The following PRMT8 variants were observed in gnomAD, a reference collection of about 807,000 sequenced individuals.
The protein encoded by PRMT8 is protein arginine methyltransferase 8, also known as protein arginine N-methyltransferase 8.
In PRMT8, 7 loss-of-function variants were observed where a neutral mutation model predicts 47.1. The observed-to-expected ratio is 0.15, with a 90% CI of 0.08 to 0.28. The LOEUF (loss-of-function observed/expected upper bound fraction) is 0.28. PRMT8 is among the 10% of genes least tolerant of loss of function. PRMT8 has a pLI of 1.00. For missense variants in PRMT8, 237 were observed against 505.4 expected (o/e 0.47, Z 5.09); for synonymous variants, 188 against 186.5 (o/e 1.01, Z -0.07).
At chr12:3,463,938 G>A (rs1482833984) in intron 1 of PRMT8, among the ~76,000 whole-genome samples, 1 of 152,184 alleles carries the variant, frequency 6.6e-6, no homozygotes, top group Non-Finnish European at 1.5e-5. Flanking sequence ...GATTCTCATA[G>A]CAAAGTTAAA....
At chr12:3,437,409 T>A (rs1282922233) in intron 1 of PRMT8, among the ~76,000 whole-genome samples, 1 of 151,932 alleles carries the variant, frequency 6.6e-6, no homozygotes, top group East Asian at 1.9e-4. Flanking sequence ...TGTGCAGGTT[T>A]GTTATATAGG....
At chr12:3,452,358 G>T (rs1864928593) in intron 1 of PRMT8, among the ~76,000 whole-genome samples, 1 of 151,582 alleles carries the variant, frequency 6.6e-6, no homozygotes, top group Admixed American at 6.6e-5. Context: ...CACCCCACAA[G>T]GAGACCACTT....
chr12:3,386,950 C>T (rs971430746), intron 1 of PRMT8, among the ~76,000 whole-genome samples: 8 of 152,042 alleles, frequency 5.3e-5, no homozygotes, highest in South Asian at 2.1e-4. Context: ...CCTCATGATC[C>T]GCCCACCTTG....
At chr12:3,526,333 A>G (rs1017853238) in intron 1 of PRMT8, among the ~76,000 whole-genome samples, 4 of 152,162 alleles carry the variant, frequency 2.6e-5, no homozygotes, top group African/African-American at 9.7e-5. Context: ...TGGGTGTACA[A>G]ATATCTCTTT....
chr12:3,553,098 A>C (rs2137180665), intron 3 of PRMT8: 1 of 195,582 alleles, frequency 5.1e-6, no homozygotes, highest in Non-Finnish European at 1.1e-5. Context: ...AAAAGGAATA[A>C]TTTCTTTCAA....
At chr12:3,458,208 G>A (rs116450432) in intron 1 of PRMT8, among the ~76,000 whole-genome samples, 170 of 152,314 alleles carry the variant, frequency 1.1e-3, no homozygotes, top group African/African-American at 3.8e-3. Flanking sequence ...GGGGCGTGGC[G>A]CTCTGTGACT....
chr12:3,454,036 G>C (rs1041509675), intron 1 of PRMT8, among the ~76,000 whole-genome samples: 1 of 152,132 alleles, frequency 6.6e-6, no homozygotes, highest in African/African-American at 2.4e-5. Flanking sequence ...CAATGCGGGC[G>C]TCAGCCTAGC....
rs1263490776 is a variant in PRMT8, at chr12:3,576,476, G to A, written c.713-395G>A. The stretch of plus-strand genomic sequence containing the variant: ...GTGGAGAACAGCTCGAGACAGCATA[G>A]GAATGGGAACGTAGAAGACAGATAA... On this transcript the variant is annotated intron_variant, in intron 6 of 9. Coordinates refer to ENST00000382622, the MANE Select transcript of PRMT8 (RefSeq NM_019854.5). This position sits in a 1 kb window ranked among gnomAD's most constrained non-coding sequence, Gnocchi z 4.0. Among the ~76,000 whole-genome samples the A allele has an allele frequency of 5.9e-5, 9 of 152,312 alleles. No individual in the cohort carries two copies. In the East Asian group the frequency reaches 1.7e-3, roughly 29 times the overall value.
At chr12:3,435,295 A>G (rs76327175) in intron 1 of PRMT8, among the ~76,000 whole-genome samples, 3,405 of 151,988 alleles carry the variant, frequency 0.022, 134 homozygotes, top group African/African-American at 0.078. Flanking sequence ...CGCTGCAGAA[A>G]GGGCGTTGAG....
At chr12:3,459,647 G>A (rs1384742080) in intron 1 of PRMT8, among the ~76,000 whole-genome samples, 1 of 152,164 alleles carries the variant, frequency 6.6e-6, no homozygotes, top group Non-Finnish European at 1.5e-5. Context: ...CATCTAAAGC[G>A]GAACAGAGGG....
chr12:3,528,278 A>G (rs955736526), intron 1 of PRMT8, among the ~76,000 whole-genome samples: 3 of 152,152 alleles, frequency 2.0e-5, no homozygotes, highest in African/African-American at 4.8e-5. Flanking sequence ...CAGGTGCTAC[A>G]ATTACGTTCA....
In PRMT8 at chr12:3,564,759, G is replaced by T. The variant is rs191926657; in HGVS notation, c.482-3947G>T. ...GCATGGAGCTCTGCAGCCTACGGCT[G>T]CTCGGAATCTTAATATCAATAGCTT... On this transcript the variant is annotated intron_variant, in intron 4 of 9. Transcript: ENST00000382622. The surrounding 1 kb of genome is among the most constrained non-coding windows in gnomAD (Gnocchi z 4.0). Among the ~76,000 whole-genome samples the T allele has an allele frequency of 6.6e-6, 1 of 152,382 alleles. No homozygotes were observed. Among genetic ancestry groups the T allele is most frequent in the East Asian group, 1.9e-4 (1 of 5,194 alleles).
chr12:3,402,584 C>T (rs951079231), intron 1 of PRMT8, among the ~76,000 whole-genome samples: 1 of 152,110 alleles, frequency 6.6e-6, no homozygotes, highest in Admixed American at 6.6e-5. Flanking sequence ...TGACAAAGGT[C>T]TAATATCCAT....
At chr12:3,405,049 T>C (rs576753685) in intron 1 of PRMT8, among the ~76,000 whole-genome samples, 3 of 152,284 alleles carry the variant, frequency 2.0e-5, no homozygotes, top group African/African-American at 7.2e-5. Flanking sequence ...AATGTAGATA[T>C]ACCCGAGACT....
rs1333893876 is a variant in PRMT8 at position 3,453,833 on chromosome 12, C to T, written c.48+72391C>T. Reference sequence around the variant, plus strand: ...CAGCTCCTGCTATGCTAGGTCTGGGCTTCCGACGCCGGCCCTGCTCCGGCG... The same window carrying T: ...CAGCTCCTGCTATGCTAGGTCTGGGTTTCCGACGCCGGCCCTGCTCCGGCG... On this transcript the variant is annotated intron_variant, in intron 1 of 9. Coordinates refer to the PRMT8 transcript ENST00000452611. The surrounding 1 kb of genome is among the most constrained non-coding windows in gnomAD (Gnocchi z 4.9). Among the ~76,000 whole-genome samples, 1 of 152,184 alleles carries T rather than the reference C, an allele frequency of 6.6e-6. No homozygotes were observed. The highest frequency in any genetic ancestry group is 2.4e-5 in the African/African-American group (1 of 41,440).
At chr12:3,562,999 T>C (rs1238849989) in intron 4 of PRMT8, among the ~76,000 whole-genome samples, 1 of 152,202 alleles carries the variant, frequency 6.6e-6, no homozygotes, top group Non-Finnish European at 1.5e-5. Flanking sequence ...TACCAGTGCC[T>C]TCTTGATAAC....
chr12:3,496,214 A>ATATATATATATATATATATATATATTTTT, intron 1 of PRMT8, among the ~76,000 whole-genome samples: 1 of 27,756 alleles, frequency 3.6e-5, no homozygotes, highest in Non-Finnish European at 7.9e-5. Flanking sequence ...ATATATATAT[A>ATATATATATATATATATATATATATTTTT]TTTTTTTTTT....
At chr12:3,411,399 ATTG>A in intron 1 of PRMT8, among the ~76,000 whole-genome samples, 1 of 152,320 alleles carries the variant, frequency 6.6e-6, no homozygotes, top group East Asian at 1.9e-4. Flanking sequence ...TCAAACAAAT[ATTG>A]TTGTATGTTG....
At chr12:3,430,208 A>G (rs958991701) in intron 1 of PRMT8, among the ~76,000 whole-genome samples, 3 of 152,230 alleles carry the variant, frequency 2.0e-5, no homozygotes, top group Non-Finnish European at 2.9e-5. Flanking sequence ...AGTAATCAGA[A>G]CTGAACAGAA....
Sources: allele counts gnomAD v4.1 joint callset (sites outside exome capture counted in the v4.1 genomes callset), GRCh38; gene constraint gnomAD v4.1.1; non-coding constraint Gnocchi (gnomAD v3.1); transcripts MANE v1.5; gene names NCBI Gene and HGNC (gene_info 2026-07-23, HGNC 2026-07-21).